Variants in CHRM5 observed in about 807,000 individuals in gnomAD.
CHRM5 encodes cholinergic receptor muscarinic 5.
In CHRM5, 18 loss-of-function variants were observed where a neutral mutation model predicts 39.0. The observed-to-expected ratio is 0.46, with a 90% CI of 0.32 to 0.68. CHRM5 has a LOEUF of 0.68. Among genes scored for constraint, CHRM5 ranks in the 30% least tolerant of loss-of-function variants. The pLI is 0.04. For synonymous variants in CHRM5, 241 were observed against 246.3 expected (o/e 0.98, Z 0.20); for missense variants, 515 against 651.1 (o/e 0.79, Z 2.28).
chr15:34,027,825 C>CA (rs539182561), intron 1 of CHRM5, among the ~76,000 whole-genome samples: 20,533 of 61,022 alleles, frequency 0.34, 2,366 homozygotes, highest in African/African-American at 0.41. Context: ...AGGTGAGGCT[C>CA]AAAAAAAAAA....
chr15:34,056,984 A>C (rs1900177240), intron 2 of CHRM5, among the ~76,000 whole-genome samples: 1 of 152,148 alleles, frequency 6.6e-6, no homozygotes, highest in South Asian at 2.1e-4. Flanking sequence ...GGTTGCAGTG[A>C]ACTATGATCA....
intron 1 of CHRM5, among the ~76,000 whole-genome samples, chr15:33,993,842 T>A (rs897664536): frequency 2.9e-3 from 1 of 344 alleles, no homozygotes; most frequent in Non-Finnish European, 7.0e-3. Flanking sequence ...AAAATAGGGT[T>A]TTTTTTTCCT....
At chr15:33,983,170 G>GTGTGTA (rs796742277) in intron 1 of CHRM5, among the ~76,000 whole-genome samples, 2,108 of 126,600 alleles carry the variant, frequency 0.017, 78 homozygotes, top group African/African-American at 0.055. Flanking sequence ...ATGTGTGTGT[G>GTGTGTA]TATATATACA....
chr15:34,052,058 A>G (rs1899941150), intron 2 of CHRM5, among the ~76,000 whole-genome samples: 1 of 152,188 alleles, frequency 6.6e-6, no homozygotes, highest in East Asian at 1.9e-4. Flanking sequence ...AGAAAACTTC[A>G]GGCCAACATC....
intron 1 of CHRM5, among the ~76,000 whole-genome samples, chr15:34,045,326 T>C (rs1480086507): frequency 2.0e-5 from 3 of 152,204 alleles, no homozygotes; most frequent in Non-Finnish European, 4.4e-5. Flanking sequence ...AAGAGGTCAT[T>C]TCTTAATCAC....
At chr15:34,056,402 C>T (rs956343883) in intron 2 of CHRM5, among the ~76,000 whole-genome samples, 3 of 152,174 alleles carry the variant, frequency 2.0e-5, no homozygotes, top group African/African-American at 7.2e-5. Context: ...ATGGATTCCA[C>T]AGGATATTAA....
intron 1 of CHRM5, among the ~76,000 whole-genome samples, chr15:34,036,025 G>A (rs934909996): frequency 9.2e-5 from 14 of 152,034 alleles, no homozygotes; most frequent in African/African-American, 3.1e-4. Flanking sequence ...CGAACTCCCA[G>A]ACTCAAGTGA....
chr15:34,005,758 T>A (rs114720437), intron 1 of CHRM5, among the ~76,000 whole-genome samples: 2 of 152,334 alleles, frequency 1.3e-5, no homozygotes, highest in African/African-American at 2.4e-5. Context: ...TAGTCAATAA[T>A]CCTCACCTGA....
rs991510799 is a variant in CHRM5 at position 34,030,147 on chromosome 15, G to A, written c.-407-16393G>A. Among the ~76,000 whole-genome samples the A allele has an allele frequency of 2.9e-4, 44 of 151,982 alleles. 1 individual carries two copies. The highest frequency in any genetic ancestry group is 9.7e-5 in the African/African-American group (4 of 41,378). ...CACATGTCTGTAATCCCAGCTACTC[G>A]GGAGGCTGAGGCAGGAGAATCTCTT... is the stretch of plus-strand genomic sequence containing the variant. On this transcript the variant is annotated intron_variant, in intron 1 of 2. Transcript: ENST00000383263.
intron 1 of CHRM5, among the ~76,000 whole-genome samples, chr15:33,984,639 T>C (rs1896341896): frequency 6.6e-6 from 1 of 152,136 alleles, no homozygotes; most frequent in African/African-American, 2.4e-5. Flanking sequence ...TGACCTCAGG[T>C]GATCCACCCG....
chr15:34,020,896 A>T (rs1358589852), intron 1 of CHRM5, among the ~76,000 whole-genome samples: 1 of 152,208 alleles, frequency 6.6e-6, no homozygotes, highest in Non-Finnish European at 1.5e-5. Flanking sequence ...ACCTACCAAA[A>T]TTCTCTTCCT....
intron 2 of CHRM5, among the ~76,000 whole-genome samples, chr15:34,055,688 C>T (rs1900115589): frequency 6.6e-6 from 1 of 151,832 alleles, no homozygotes; most frequent in South Asian, 2.1e-4. Flanking sequence ...GTAGCCCCAG[C>T]TACTCAGGAG....
chr15:34,018,932 G>GT (rs554558467), intron 1 of CHRM5, among the ~76,000 whole-genome samples: 79 of 152,088 alleles, frequency 5.2e-4, no homozygotes, highest in South Asian at 8.3e-4. Flanking sequence ...GCTGATTGGT[G>GT]TTTTTTACAA....
chr15:34,039,112 C>A, intron 1 of CHRM5: 1 of 1,055,654 alleles, frequency 9.5e-7, no homozygotes, highest in Non-Finnish European at 1.1e-6. Flanking sequence ...CTGGCCCCAC[C>A]GGAAGCGGGC....
At chr15:34,005,628 T>A (rs1056817195) in intron 1 of CHRM5, among the ~76,000 whole-genome samples, 4 of 152,316 alleles carry the variant, frequency 2.6e-5, no homozygotes, top group African/African-American at 7.2e-5. Context: ...TGAAGTCTGA[T>A]CCACTCACCC....
intron 1 of CHRM5, among the ~76,000 whole-genome samples, chr15:33,970,600 G>C (rs1228471928): frequency 4.0e-5 from 6 of 151,818 alleles, no homozygotes; most frequent in Non-Finnish European, 7.4e-5. Flanking sequence ...TTTGTAAACA[G>C]ACATGATTCA....
chr15:34,064,723 C>A lies in CHRM5; in HGVS notation c.*407C>A. The A allele has an allele frequency of 9.7e-6, 2 of 207,106 alleles. No individual in the cohort carries two copies. Among genetic ancestry groups the A allele is most frequent in the South Asian group, 1.1e-4 (1 of 8,712 alleles). The allele number at this position is 207,106 out of a possible 1,614,324, so 12.8% of individuals were successfully genotyped here. On this transcript the variant is annotated 3_prime_UTR_variant, in exon 3 of 3. Transcript: ENST00000383263. ...AGAATTTTGTGCAATATGTATGTGT[C>A]TATGAAGCTGTCTTGTGCCAGTGAG... is the stretch of plus-strand genomic sequence containing the variant.
In CHRM5 at chr15:34,027,380, A is replaced by G. The variant is rs545111316; in HGVS notation, c.-407-19160A>G. Among the ~76,000 whole-genome samples the G allele has an allele frequency of 5.8e-4, 88 of 152,036 alleles. 1 individual carries two copies. The East Asian group carries it at 0.011, about 20-fold the overall frequency. On this transcript the variant is annotated intron_variant, in intron 1 of 2. Transcript: ENST00000383263. The stretch of plus-strand genomic sequence containing the variant: ...AAATACAAAAAATAAAAATAAAAAA[A>G]CAGCCAGGCGTGTTGGTGGGCACCT...
At chr15:34,011,607 A>G (rs77241407) in intron 1 of CHRM5, among the ~76,000 whole-genome samples, 295 of 152,304 alleles carry the variant, frequency 1.9e-3, no homozygotes, top group Non-Finnish European at 2.9e-3. Flanking sequence ...CAGTATATGG[A>G]AAAAGCAGAG....
Sources: gnomAD v4.1 joint callset for allele counts (sites outside exome capture counted in the v4.1 genomes callset) on GRCh38, gnomAD v4.1.1 for gene constraint, MANE v1.5 for transcripts, NCBI Gene and HGNC (gene_info 2026-07-23, HGNC 2026-07-21) for gene names.